Variants in ZNF407 observed in about 807,000 individuals in gnomAD.
The protein encoded by ZNF407 is zinc finger protein 407.
In ZNF407, 17 loss-of-function variants were observed where a neutral mutation model predicts 131.2. That is an observed-to-expected ratio of 0.13 (90% CI 0.09 to 0.19). The LOEUF (loss-of-function observed/expected upper bound fraction) is 0.19. Among genes scored for constraint, ZNF407 ranks in the 10% least tolerant of loss-of-function variants. The probability of loss-of-function intolerance (pLI) is 1.00; values close to 1 mark genes in which losing one functional copy is unlikely to be tolerated. For synonymous variants in ZNF407, 1,156 were observed against 1,062.0 expected (o/e 1.09, Z -1.72); for missense variants, 2,681 against 2,830.6 (o/e 0.95, Z 1.20).
chr18:74,622,714 G>A (rs1157976737), intron 1 of ZNF407, among the ~76,000 whole-genome samples: 2 of 145,806 alleles, frequency 1.4e-5, no homozygotes, highest in Non-Finnish European at 3.0e-5. Context: ...GTTCTTTATG[G>A]CATCACCATA....
chr18:75,014,724 C>T (rs1973022858), intron 8 of ZNF407, among the ~76,000 whole-genome samples: 1 of 151,978 alleles, frequency 6.6e-6, no homozygotes, highest in Admixed American at 6.6e-5. Flanking sequence ...ATTTCAAGTA[C>T]ATTTACGTGT....
At chr18:74,722,047 T>G (rs2144873213) in intron 3 of ZNF407, among the ~76,000 whole-genome samples, 1 of 151,752 alleles carries the variant, frequency 6.6e-6, no homozygotes, top group Admixed American at 6.5e-5. Context: ...TGTAGGATTT[T>G]CTCACTGTCT....
chr18:74,706,312 TTTA>T (rs1478581500), intron 3 of ZNF407, among the ~76,000 whole-genome samples: 2 of 152,204 alleles, frequency 1.3e-5, no homozygotes, highest in African/African-American at 4.8e-5. Context: ...AGGAATCGCT[TTTA>T]TTATTGTTCT....
intron 1 of ZNF407, among the ~76,000 whole-genome samples, chr18:74,612,346 G>A (rs1983099222): frequency 6.6e-6 from 1 of 152,110 alleles, no homozygotes; most frequent in Non-Finnish European, 1.5e-5. Flanking sequence ...TTTTCTTGAA[G>A]TATTATCTGC....
At chr18:74,684,597 G>C (rs1337339117) in intron 3 of ZNF407, among the ~76,000 whole-genome samples, 1 of 152,136 alleles carries the variant, frequency 6.6e-6, no homozygotes, top group Non-Finnish European at 1.5e-5. Flanking sequence ...TGTAAACTGA[G>C]TATCGTACTG....
At chr18:74,726,858 G>T (rs778955192) in intron 3 of ZNF407, among the ~76,000 whole-genome samples, 6 of 152,204 alleles carry the variant, frequency 3.9e-5, no homozygotes, top group African/African-American at 7.2e-5. Flanking sequence ...AGTGTCAGTT[G>T]TGGGGGTGTC....
chr18:74,753,817 T>C lies in ZNF407; in HGVS notation c.4803-27611T>C, dbSNP rs181795936. Among the ~76,000 whole-genome samples, 16 of 152,068 alleles carry C rather than the reference T, an allele frequency of 1.1e-4. No individual in the cohort carries two copies. In the East Asian group the frequency reaches 1.4e-3, roughly 13 times the overall value. ...AGGGATATTGGTCTAAAATTTCTCT[T>C]TTTTTTTGTTGTGTCTCTGCCAGGC... On this transcript the variant is annotated intron_variant, in intron 3 of 8. Transcript: ENST00000299687.
At chr18:74,989,057 A>G (rs1599281236) in intron 8 of ZNF407, among the ~76,000 whole-genome samples, 1 of 152,236 alleles carries the variant, frequency 6.6e-6, no homozygotes, top group East Asian at 1.9e-4. Flanking sequence ...CAAGTAATCG[A>G]AAGTTAGAAA....
intron 3 of ZNF407, among the ~76,000 whole-genome samples, chr18:74,724,597 A>AAT (rs571795366): frequency 6.6e-6 from 1 of 152,042 alleles, no homozygotes; most frequent in African/African-American, 2.4e-5. Flanking sequence ...ATATGTGAAA[A>AAT]ATATATATAG....
chr18:74,621,851 AATG>A (rs1983524452), intron 1 of ZNF407, among the ~76,000 whole-genome samples: 1 of 152,186 alleles, frequency 6.6e-6, no homozygotes, highest in South Asian at 2.1e-4. Flanking sequence ...GTAAATTAGG[AATG>A]CAAGGTAGCC....
At chr18:74,626,555 TC>T (rs1983795120) in intron 1 of ZNF407, among the ~76,000 whole-genome samples, 1 of 152,316 alleles carries the variant, frequency 6.6e-6, no homozygotes, top group African/African-American at 2.4e-5. Context: ...TCACTACAGT[TC>T]CGTTCATTTG....
At chr18:74,889,221 G>A (rs928579087) in intron 6 of ZNF407, among the ~76,000 whole-genome samples, 3 of 152,054 alleles carry the variant, frequency 2.0e-5, no homozygotes, top group Admixed American at 6.6e-5. Context: ...CAATGCAGTC[G>A]CCTAGTCACG....
intron 8 of ZNF407, among the ~76,000 whole-genome samples, chr18:74,932,841 G>T (rs192296210): frequency 1.3e-5 from 2 of 151,974 alleles, no homozygotes; most frequent in East Asian, 1.9e-4. Flanking sequence ...AAAAACCTAC[G>T]ACTACCACCT....
chr18:74,629,845 G>A (rs988120360), intron 1 of ZNF407, among the ~76,000 whole-genome samples: 5 of 152,072 alleles, frequency 3.3e-5, no homozygotes, highest in African/African-American at 4.8e-5. Context: ...GAATTAAATA[G>A]CATAATGAAA....
intron 7 of ZNF407, among the ~76,000 whole-genome samples, chr18:74,911,392 T>C (rs775218551): frequency 6.6e-6 from 1 of 152,232 alleles, no homozygotes; most frequent in Non-Finnish European, 1.5e-5. Flanking sequence ...ATTGTAATTG[T>C]GTTAACTGTA....
intron 1 of ZNF407, among the ~76,000 whole-genome samples, chr18:74,623,701 T>C (rs1983665365): frequency 1.3e-5 from 2 of 150,422 alleles, no homozygotes; most frequent in African/African-American, 4.9e-5. Context: ...AATTTCTTTA[T>C]TGAAACTTTT....
intron 8 of ZNF407, among the ~76,000 whole-genome samples, chr18:75,038,205 A>G (rs1208169272): frequency 6.6e-6 from 1 of 152,226 alleles, no homozygotes; most frequent in Non-Finnish European, 1.5e-5. Flanking sequence ...TTCAAATGGC[A>G]TTACCGATTA....
chr18:74,725,210 A>C (rs1968129604), intron 3 of ZNF407, among the ~76,000 whole-genome samples: 1 of 152,126 alleles, frequency 6.6e-6, no homozygotes, highest in African/African-American at 2.4e-5. Flanking sequence ...GTCATGGCTC[A>C]CTGCTACCTT....
intron 3 of ZNF407, among the ~76,000 whole-genome samples, chr18:74,664,926 C>T (rs576171629): frequency 4.6e-5 from 7 of 152,212 alleles, no homozygotes; most frequent in South Asian, 4.2e-4. Context: ...CAGGAGACCT[C>T]GGTTTATTGA....
Sources: allele counts gnomAD v4.1 joint callset (sites outside exome capture counted in the v4.1 genomes callset), GRCh38; gene constraint gnomAD v4.1.1; transcripts MANE v1.5; gene names NCBI Gene and HGNC (gene_info 2026-07-23, HGNC 2026-07-21).